The following PTPRT variants were observed in gnomAD, a reference collection of about 807,000 sequenced individuals.
PTPRT encodes receptor-type tyrosine-protein phosphatase T.
In PTPRT, 56 loss-of-function variants were observed where a neutral mutation model predicts 176.8. The ratio of observed to expected loss-of-function variants is 0.32; its 90% CI spans 0.26 to 0.40. The LOEUF is 0.40. Among genes scored for constraint, PTPRT ranks in the 10% least tolerant of loss-of-function variants. The pLI is 1.00. For synonymous variants in PTPRT, 783 were observed against 739.0 expected, an observed-to-expected ratio of 1.06 and a Z score of -0.96; for missense variants, 1,540 against 1,908.2, an observed-to-expected ratio of 0.81 and a Z score of 3.60.
At chr20:43,001,287 G>T (rs1250332956) in intron 1 of PTPRT, among the ~76,000 whole-genome samples, 3 of 152,126 alleles carry the variant, frequency 2.0e-5, no homozygotes, top group Non-Finnish European at 1.5e-5. Context: ...CAAAAAATGA[G>T]TAAGCAGTAA....
At chr20:43,142,456 G>C (rs539727004) in intron 1 of PTPRT, among the ~76,000 whole-genome samples, 4 of 152,350 alleles carry the variant, frequency 2.6e-5, no homozygotes, top group African/African-American at 7.2e-5. Flanking sequence ...TCAAAGAAGA[G>C]TGAGTCCCAG....
intron 9 of PTPRT, among the ~76,000 whole-genome samples, chr20:42,363,634 A>G (rs1431017765): frequency 6.6e-6 from 1 of 151,936 alleles, no homozygotes; most frequent in Non-Finnish European, 1.5e-5. Flanking sequence ...TAACAACACG[A>G]GAGGACATTT....
At chr20:42,495,435 T>C (rs1328866062) in intron 7 of PTPRT, among the ~76,000 whole-genome samples, 1 of 152,152 alleles carries the variant, frequency 6.6e-6, no homozygotes, top group Admixed American at 6.6e-5. Context: ...GTCTCACCTA[T>C]ACTTTCTCTC....
chr20:42,336,802 GTTTA>G (rs2058046601), intron 11 of PTPRT, among the ~76,000 whole-genome samples: 1 of 152,154 alleles, frequency 6.6e-6, no homozygotes, highest in Non-Finnish European at 1.5e-5. Context: ...AAGAACATGA[GTTTA>G]TTGTTTCAGA....
intron 7 of PTPRT, among the ~76,000 whole-genome samples, chr20:42,665,112 A>T (rs542481472): frequency 1.3e-5 from 2 of 152,034 alleles, no homozygotes; most frequent in East Asian, 3.9e-4. Flanking sequence ...ATCTAATTAA[A>T]CTAAAGAGCT....
intron 17 of PTPRT, 123 bp from the exon 18 acceptor site, chr20:42,142,125 T>C (rs1316077039): frequency 3.1e-5 from 24 of 782,954 alleles, no homozygotes; most frequent in Middle Eastern, 2.7e-4. Flanking sequence ...GGGATAGATG[T>C]CCTTGGATGG....
At chr20:43,137,463 T>A (rs2013868923) in intron 1 of PTPRT, among the ~76,000 whole-genome samples, 1 of 152,204 alleles carries the variant, frequency 6.6e-6, no homozygotes, top group South Asian at 2.1e-4. Context: ...AAGCCTTAAA[T>A]ATTTGCTATC....
chr20:42,822,059 T>C (rs1041237832), intron 2 of PTPRT, among the ~76,000 whole-genome samples: 5 of 152,010 alleles, frequency 3.3e-5, no homozygotes, highest in African/African-American at 1.2e-4. Flanking sequence ...GAAAAAATAG[T>C]TTTAAATTTC....
At chr20:42,614,586 G>T (rs1202850655) in intron 7 of PTPRT, among the ~76,000 whole-genome samples, 1 of 151,890 alleles carries the variant, frequency 6.6e-6, no homozygotes, top group Non-Finnish European at 1.5e-5. Context: ...CTTTCACCAT[G>T]CTCCTCTATT....
intron 7 of PTPRT, among the ~76,000 whole-genome samples, chr20:42,535,600 T>C (rs920632476): frequency 6.6e-6 from 1 of 152,228 alleles, no homozygotes; most frequent in African/African-American, 2.4e-5. Flanking sequence ...AATGGCTAAA[T>C]AGAGCTATTG....
At chr20:42,070,169 CTCT>C (rs1271121548), downstream of PTPRT, among the ~76,000 whole-genome samples, 1 of 152,026 alleles carries the variant, frequency 6.6e-6, no homozygotes, top group Non-Finnish European at 1.5e-5. Context: ...AATCAAATCC[CTCT>C]TCTTGCCTTC....
At chr20:42,497,743 T>C (rs1038048554) in intron 7 of PTPRT, among the ~76,000 whole-genome samples, 2 of 152,188 alleles carry the variant, frequency 1.3e-5, no homozygotes, top group Non-Finnish European at 2.9e-5. Context: ...TCTACAGATA[T>C]GCCTTTCTTA....
At chr20:42,748,999 T>C (rs547196462) in intron 6 of PTPRT, among the ~76,000 whole-genome samples, 5 of 152,310 alleles carry the variant, frequency 3.3e-5, no homozygotes, top group African/African-American at 9.6e-5. Flanking sequence ...CTGAGTCTGC[T>C]TCTAGGGGTC....
In PTPRT at chr20:42,462,503, G is replaced by A. The variant is rs576986566; in HGVS notation, c.1450+9763C>T. 8.5e-5 allele frequency among the ~76,000 whole-genome samples: 13 copies of A among 152,300 alleles called. No individual in the cohort carries two copies. In the South Asian group the frequency reaches 2.7e-3, roughly 32 times the overall value. The stretch of plus-strand genomic sequence containing the variant: ...GGATGTAACTGGAATGATCAGTCAA[G>A]GAATTTAAGCTGGGTAGAGAAGGGA... On this transcript the variant is annotated intron_variant, in intron 8 of 30. Transcript: ENST00000373187.
At position 42,840,989 on chromosome 20, in the gene PTPRT, T is replaced by C. The variant is rs139053404; in HGVS notation, c.214+44818A>G. Among the ~76,000 whole-genome samples, 95 of 152,318 alleles carry C rather than the reference T, an allele frequency of 6.2e-4. 2 individuals are homozygous for C. In the East Asian group the frequency reaches 0.017, roughly 27 times the overall value. ...CTTTTGCCTTGGCTCACTTGGCCTT[T>C]GGCTTCTGAGTCTTCAACACCAGGC... On this transcript the variant is annotated intron_variant, in intron 2 of 30. Transcript: ENST00000373187.
intron 8 of PTPRT, among the ~76,000 whole-genome samples, chr20:42,466,019 T>C (rs1190743129): frequency 6.6e-6 from 1 of 152,228 alleles, no homozygotes; most frequent in Non-Finnish European, 1.5e-5. Flanking sequence ...AGTGAGAACG[T>C]GCAGTGTTTG....
intron 7 of PTPRT, among the ~76,000 whole-genome samples, chr20:42,602,773 G>A (rs6030359): frequency 0.25 from 37,267 of 151,626 alleles, 4,938 homozygotes; most frequent in Non-Finnish European, 0.3. Context: ...CAAGGAGCAG[G>A]GGCTTCACAG....
intron 4 of PTPRT, among the ~76,000 whole-genome samples, chr20:42,776,896 A>C (rs994698620): frequency 6.6e-6 from 1 of 150,724 alleles, no homozygotes; most frequent in Non-Finnish European, 1.5e-5. Context: ...ATAATCATAT[A>C]ATTACTTTAT....
At chr20:42,511,851 T>C (rs987355213) in intron 7 of PTPRT, among the ~76,000 whole-genome samples, 2 of 152,032 alleles carry the variant, frequency 1.3e-5, no homozygotes, top group African/African-American at 4.8e-5. Context: ...TTCCTACCAA[T>C]GACAGCAAAG....
Sources: gnomAD v4.1 joint callset for allele counts (sites outside exome capture counted in the v4.1 genomes callset) on GRCh38, gnomAD v4.1.1 for gene constraint, MANE v1.5 for transcripts, NCBI Gene and HGNC (gene_info 2026-07-23, HGNC 2026-07-21) for gene names.